The following GPLD1 variants were observed in gnomAD, a reference collection of about 807,000 sequenced individuals.
The protein encoded by GPLD1 is glycosylphosphatidylinositol specific phospholipase D1, also known as phosphatidylinositol-glycan-specific phospholipase D.
Under a neutral mutation model 112.6 loss-of-function variants are expected in GPLD1, and 84 were observed. The observed-to-expected ratio is 0.75, with a 90% CI of 0.63 to 0.89. The LOEUF (loss-of-function observed/expected upper bound fraction) is 0.89, where lower values mean the gene tolerates loss of function less well. Ranked by LOEUF, GPLD1 falls within the 40% of genes least tolerant of loss-of-function variation. The probability of loss-of-function intolerance (pLI) is 0.00; values close to 1 mark genes in which losing one functional copy is unlikely to be tolerated. For synonymous variants in GPLD1, 386 were observed against 403.8 expected (o/e 0.96, Z 0.53); for missense variants, 1,044 against 1,051.5 (o/e 0.99, Z 0.10).
chr6:24,477,749 T>C (rs993141752), intron 3 of GPLD1, among the ~76,000 whole-genome samples: 1 of 113,228 alleles, frequency 8.8e-6, no homozygotes, highest in Admixed American at 7.9e-5. Context: ...TAAAAATAAC[T>C]TTAAAAAAAA....
intron 24 of GPLD1, among the ~76,000 whole-genome samples, chr6:24,432,745 T>G (rs565173527): frequency 1.3e-4 from 20 of 152,280 alleles, no homozygotes; most frequent in African/African-American, 4.3e-4. Context: ...GGCATCAGTC[T>G]CCAAAGCAAC....
Position 24,428,888 on chromosome 6 carries a change from G to A in GPLD1, c.*144C>T. The A allele has an allele frequency of 5.7e-6, 3 of 523,888 alleles. No individual in the cohort carries two copies. Among genetic ancestry groups the A allele is most frequent in the Non-Finnish European group, 6.9e-6 (2 of 289,648 alleles). The allele number at this position is 523,888 out of a possible 1,614,324, so 32.5% of individuals were successfully genotyped here. A position where few individuals can be genotyped will look rare whatever the true frequency, so the allele number is the denominator to read the frequency against. ...ATTTCCAGAGGGTGTGGCTGTTAGT[G>A]TGTCTCTCTACTCCCAGGAGCCCCA... On this transcript the variant is annotated 3_prime_UTR_variant, in exon 25 of 25. Coordinates refer to ENST00000230036, the MANE Select transcript of GPLD1 (RefSeq NM_001503.4).
chr6:24,481,670 C>T (rs1764208501), intron 2 of GPLD1, among the ~76,000 whole-genome samples: 1 of 152,134 alleles, frequency 6.6e-6, no homozygotes, highest in South Asian at 2.1e-4. Context: ...CACTAGAGCT[C>T]TGGGAAGATG....
At chr6:24,445,147 C>T (rs1762870174) in intron 20 of GPLD1, among the ~76,000 whole-genome samples, 1 of 152,088 alleles carries the variant, frequency 6.6e-6, no homozygotes, top group African/African-American at 2.4e-5. Context: ...CCTGCCTCAG[C>T]CTCCCGAGTA....
intron 24 of GPLD1, 47 bp from the exon 25 acceptor site, chr6:24,429,165 T>G: frequency 2.5e-6 from 3 of 1,208,148 alleles, no homozygotes; most frequent in Non-Finnish European, 2.5e-6. Context: ...ATAACATCTA[T>G]TGAGTTCCTA....
chr6:24,455,932 T>A (rs1326432656), intron 13 of GPLD1, among the ~76,000 whole-genome samples: 2 of 152,136 alleles, frequency 1.3e-5, no homozygotes, highest in African/African-American at 4.8e-5. Flanking sequence ...CCCAGCACTT[T>A]GGGGGGCTGA....
chr6:24,447,051 C>T (rs778315888), intron 17 of GPLD1, 72 bp from the exon 18 acceptor site: 7 of 1,389,512 alleles, frequency 5.0e-6, no homozygotes, highest in Non-Finnish European at 7.0e-6. Flanking sequence ...AGAAAGGGTC[C>T]TTCTCGTAGC....
In GPLD1 at chr6:24,427,778, G is replaced by A. The variant is rs923981114; in HGVS notation, c.*1254C>T. On this transcript the variant is annotated 3_prime_UTR_variant, in exon 25 of 25. Coordinates refer to ENST00000230036, the MANE Select transcript of GPLD1 (RefSeq NM_001503.4). The stretch of plus-strand genomic sequence containing the variant: ...GGAGAATCACTTGAACCTGGGAGGC[G>A]GAGGTTGCAGTGAGCTGAGATCACA... 2.7e-5 allele frequency among the ~76,000 whole-genome samples: 4 copies of A among 148,018 alleles called. No homozygotes were observed. The highest frequency in any genetic ancestry group is 2.1e-4 in the South Asian group (1 of 4,658).
intron 11 of GPLD1, among the ~76,000 whole-genome samples, chr6:24,461,371 T>C (rs1763428811): frequency 6.6e-6 from 1 of 152,138 alleles, no homozygotes; most frequent in Non-Finnish European, 1.5e-5. Flanking sequence ...CCAATTCAAA[T>C]ACAACAATGA....
upstream of GPLD1, among the ~76,000 whole-genome samples, chr6:24,493,751 A>C (rs1440394823): frequency 2.0e-5 from 3 of 152,198 alleles, no homozygotes; most frequent in Non-Finnish European, 4.4e-5. Context: ...ACTCAGCAAA[A>C]GACAAAGTCA....
intron 12 of GPLD1, among the ~76,000 whole-genome samples, chr6:24,459,634 T>C (rs184769103): frequency 2.0e-5 from 3 of 152,370 alleles, no homozygotes; most frequent in Admixed American, 2.0e-4. Context: ...TTTTTGTATT[T>C]GTCACTCCTT....
rs779592062 is a variant in GPLD1, at chr6:24,475,231, C to T, written c.331G>A (p.Asp111Asn). The part of the protein sequence containing the change: ...RENYPLPWEK[D>N]TEKLVAFLFG... ...AAGAAAGCTACCAGTTTCTCTGTGTCCTGCCAAACAAGCAAATTAGAGTCA... is the reference window on the plus strand; with the variant it reads ...AAGAAAGCTACCAGTTTCTCTGTGTTCTGCCAAACAAGCAAATTAGAGTCA... The change falls in exon 5 of 25, where the codon GAC (aspartate) becomes AAC (asparagine). Residue 111 changes from aspartate to asparagine, a missense_variant and splice_region_variant. Transcript: ENST00000230036. 6.4e-7 allele frequency: 1 copy of T among 1,554,260 alleles called. No individual in the cohort carries two copies. The highest frequency in any genetic ancestry group is 8.9e-7 in the Non-Finnish European group (1 of 1,125,436).
At position 24,456,491 on chromosome 6, in the gene GPLD1, T is replaced by G. The variant is rs376707810; in HGVS notation, c.1148+7A>C. The G allele has an allele frequency of 1.3e-5, 21 of 1,582,498 alleles. No homozygotes were observed. The African/African-American group carries it at 2.4e-4, about 18-fold the overall frequency. On this transcript the variant is annotated splice_region_variant and intron_variant, in intron 13 of 24. Coordinates refer to ENST00000230036, the MANE Select transcript of GPLD1 (RefSeq NM_001503.4). The stretch of plus-strand genomic sequence containing the variant: ...AACATTCACAAGTTAGATAAACTTA[T>G]ACGTACCAGCCAAGCCTCGCATAAG...
chr6:24,430,139 T>C (rs570400598), intron 24 of GPLD1, among the ~76,000 whole-genome samples: 2 of 152,164 alleles, frequency 1.3e-5, no homozygotes, highest in African/African-American at 4.8e-5. Flanking sequence ...TGTCAATTAA[T>C]AGGGAAAATC....
At position 24,437,218 on chromosome 6, in the gene GPLD1, T is replaced by C. The variant is rs1198939792; in HGVS notation, c.2092A>G (p.Thr698Ala). ...QGGATRMYAL[T>A]SDAQPLLLST... The stretch of plus-strand genomic sequence containing the variant: ...AGCAGCAGAGGCTGCGCGTCAGATG[T>C]GAGTGCGTACATGCGAGTGGCTCCG... Residue 698 changes from threonine to alanine, a missense_variant, in exon 21 of 25, where the codon ACA (threonine) becomes GCA (alanine). Physicochemically the swap from Thr to Ala is moderately conservative, Grantham distance 58. Transcript: ENST00000230036. 3 of 1,614,150 alleles carry C rather than the reference T, an allele frequency of 1.9e-6. No homozygotes were observed. The highest frequency in any genetic ancestry group is 2.2e-5 in the South Asian group (2 of 91,088).
chr6:24,450,768 T>C (rs1763054617), intron 14 of GPLD1, among the ~76,000 whole-genome samples: 1 of 152,158 alleles, frequency 6.6e-6, no homozygotes, highest in Non-Finnish European at 1.5e-5. Context: ...CCTGAGGAGT[T>C]TGAGACCAGC....
chr6:24,461,531 C>T (rs1763437093), intron 11 of GPLD1, among the ~76,000 whole-genome samples: 1 of 152,094 alleles, frequency 6.6e-6, no homozygotes. Flanking sequence ...ATCACTTCTT[C>T]AAGGAGAGCT....
At chr6:24,473,737 G>T in intron 5 of GPLD1, 70 bp from the exon 6 acceptor site, 6 of 995,626 alleles carry the variant, frequency 6.0e-6, no homozygotes, top group Non-Finnish European at 9.4e-6. Context: ...CCACAGTCAA[G>T]CAAGTGGTGG....
At chr6:24,429,825 G>T (rs1049841920) in intron 24 of GPLD1, among the ~76,000 whole-genome samples, 1 of 152,206 alleles carries the variant, frequency 6.6e-6, no homozygotes, top group Admixed American at 6.5e-5. Context: ...TGAAATTACA[G>T]ATGTGAGCCA....
Sources: gnomAD v4.1 joint callset for allele counts (sites outside exome capture counted in the v4.1 genomes callset) on GRCh38, gnomAD v4.1.1 for gene constraint, MANE v1.5 for transcripts, NCBI Gene and HGNC (gene_info 2026-07-23, HGNC 2026-07-21) for gene names.